Variants in SIK3 observed in about 807,000 individuals in gnomAD.
SIK3 encodes SIK family kinase 3, also known as serine/threonine-protein kinase SIK3.
Under a neutral mutation model 144.2 loss-of-function variants are expected in SIK3, and 28 were observed. The ratio of observed to expected loss-of-function variants is 0.19; its 90% CI spans 0.14 to 0.27. The LOEUF (loss-of-function observed/expected upper bound fraction) is 0.27. Ranked by LOEUF, SIK3 falls within the 10% of genes least tolerant of loss-of-function variation. The probability of loss-of-function intolerance (pLI) is 1.00; values close to 1 mark genes in which losing one functional copy is unlikely to be tolerated. For missense variants in SIK3, 1,319 were observed against 1,776.0 expected (o/e 0.74, Z 4.62); for synonymous variants, 686 against 676.3 (o/e 1.01, Z -0.22).
intron 4 of SIK3, among the ~76,000 whole-genome samples, chr11:116,920,206 C>T (rs1429599829): frequency 6.6e-6 from 1 of 150,714 alleles, no homozygotes; most frequent in Non-Finnish European, 1.5e-5. Flanking sequence ...CTGCTGCCCA[C>T]GCTGCTCCAA....
intron 4 of SIK3, among the ~76,000 whole-genome samples, chr11:116,908,375 A>C (rs561072438): frequency 1.5e-4 from 23 of 152,222 alleles, no homozygotes; most frequent in African/African-American, 5.3e-4. Context: ...GCTACTCGAG[A>C]GGCTGAGGCA....
At chr11:117,011,933 C>A (rs1951278259) in intron 1 of SIK3, among the ~76,000 whole-genome samples, 1 of 152,106 alleles carries the variant, frequency 6.6e-6, no homozygotes, top group South Asian at 2.1e-4. Flanking sequence ...ATAAAGTTTC[C>A]TGCTTGGCGG....
At chr11:117,082,985 C>G (rs1954854243) in intron 1 of SIK3, among the ~76,000 whole-genome samples, 1 of 152,064 alleles carries the variant, frequency 6.6e-6, no homozygotes, top group Non-Finnish European at 1.5e-5. Flanking sequence ...AACAGAAAAC[C>G]TATTCTTATC....
At chr11:117,020,879 G>T (rs952743373) in intron 1 of SIK3, among the ~76,000 whole-genome samples, 4 of 152,186 alleles carry the variant, frequency 2.6e-5, no homozygotes, top group African/African-American at 9.7e-5. Flanking sequence ...AACCCAATAA[G>T]GGGATATTGG....
At chr11:116,927,068 C>T in intron 4 of SIK3, 151 bp downstream of exon 4, 2 of 513,434 alleles carry the variant, frequency 3.9e-6, no homozygotes, top group Non-Finnish European at 3.2e-6. Flanking sequence ...TAAAGTTTAT[C>T]AATTTTCAGG....
intron 4 of SIK3, among the ~76,000 whole-genome samples, chr11:116,900,543 G>A (rs1945677847): frequency 6.6e-6 from 1 of 152,118 alleles, no homozygotes; most frequent in Non-Finnish European, 1.5e-5. Flanking sequence ...TGTCATTTAA[G>A]GCCCTTCACA....
intron 11 of SIK3, among the ~76,000 whole-genome samples, chr11:116,874,446 A>G (rs947816758): frequency 1.4e-4 from 21 of 152,220 alleles, no homozygotes; most frequent in Admixed American, 6.5e-5. Flanking sequence ...AAAGAATGCA[A>G]TTACTCTTGT....
At chr11:116,921,071 T>A (rs1279845250) in intron 4 of SIK3, among the ~76,000 whole-genome samples, 1 of 152,220 alleles carries the variant, frequency 6.6e-6, no homozygotes, top group Non-Finnish European at 1.5e-5. Flanking sequence ...ACTGCTCTTC[T>A]GTGGATCCTT....
rs187497682 is a variant in SIK3, at chr11:116,949,369, T to C, written c.454+4675A>G. ...CTTTCTTCCTCTCATTTACTGACCATACTCAGCCGTTAAACTCCACTAGTT... is the reference window on the plus strand; with the variant it reads ...CTTTCTTCCTCTCATTTACTGACCACACTCAGCCGTTAAACTCCACTAGTT... On this transcript the variant is annotated intron_variant, in intron 3 of 24. Coordinates refer to ENST00000445177, the MANE Select transcript of SIK3 (RefSeq NM_001366686.3). Among the ~76,000 whole-genome samples the C allele has an allele frequency of 5.7e-3, 871 of 152,356 alleles. 6 individuals are homozygous for C. Among genetic ancestry groups the C allele is most frequent in the African/African-American group, 0.019 (800 of 41,594 alleles).
intron 6 of SIK3, among the ~76,000 whole-genome samples, chr11:116,877,357 A>G (rs1944308201): frequency 6.6e-6 from 1 of 152,218 alleles, no homozygotes; most frequent in South Asian, 2.1e-4. Flanking sequence ...CCTATTTAAC[A>G]CAAGTAATGA....
At chr11:117,035,010 G>GA (rs776463992) in intron 1 of SIK3, among the ~76,000 whole-genome samples, 3 of 152,202 alleles carry the variant, frequency 2.0e-5, no homozygotes, top group Non-Finnish European at 4.4e-5. Flanking sequence ...TGATAAAACT[G>GA]AAAGTTTTGA....
At chr11:117,008,373 C>T (rs1245597744) in intron 1 of SIK3, among the ~76,000 whole-genome samples, 1 of 152,126 alleles carries the variant, frequency 6.6e-6, no homozygotes, top group Admixed American at 6.5e-5. Flanking sequence ...GCTCATTAAG[C>T]TAAAATTTGA....
At chr11:116,954,334 A>G (rs1036432539) in intron 2 of SIK3, among the ~76,000 whole-genome samples, 1 of 152,212 alleles carries the variant, frequency 6.6e-6, no homozygotes, top group Non-Finnish European at 1.5e-5. Flanking sequence ...TGCTTGAGAG[A>G]GATAGGCTTT....
At chr11:117,023,867 C>T (rs529484622) in intron 1 of SIK3, among the ~76,000 whole-genome samples, 3 of 151,708 alleles carry the variant, frequency 2.0e-5, no homozygotes, top group African/African-American at 4.8e-5. Context: ...TTAGTAGAGA[C>T]GGGGTCTTGC....
At chr11:116,882,816 A>G (rs982663556) in intron 6 of SIK3, among the ~76,000 whole-genome samples, 2 of 152,258 alleles carry the variant, frequency 1.3e-5, no homozygotes, top group Admixed American at 1.3e-4. Context: ...CAAACTTCTT[A>G]AAAATGTTTA....
chr11:116,849,318 G>A lies in SIK3; in HGVS notation c.3656-35C>T, dbSNP rs145379592. ...CACAGCAGAATAGAGTCAGTGGGGC[G>A]GAACTTCTCCCAGCACTGGAAACTC... is the stretch of plus-strand genomic sequence containing the variant. On this transcript the variant is annotated intron_variant, in intron 21 of 24. Transcript: ENST00000445177. The surrounding 1 kb of genome is among the most constrained non-coding windows in gnomAD (Gnocchi z 4.2). The A allele has an allele frequency of 8.3e-3, 13,328 of 1,612,186 alleles. 80 individuals are homozygous for A. Among genetic ancestry groups the A allele is most frequent in the Middle Eastern group, 0.013 (80 of 6,054 alleles).
intron 1 of SIK3, among the ~76,000 whole-genome samples, chr11:117,040,079 T>A (rs1269065721): frequency 6.6e-6 from 1 of 152,204 alleles, no homozygotes; most frequent in Admixed American, 6.5e-5. Context: ...ATGATAAATG[T>A]CAGCTTTGAA....
At chr11:116,995,619 G>A (rs934251330) in intron 1 of SIK3, among the ~76,000 whole-genome samples, 1 of 152,088 alleles carries the variant, frequency 6.6e-6, no homozygotes, top group Admixed American at 6.5e-5. Context: ...CACTTCAGAT[G>A]TTTTGGAAGT....
intron 1 of SIK3, among the ~76,000 whole-genome samples, chr11:117,070,835 C>A (rs1376145025): frequency 4.0e-5 from 6 of 149,810 alleles, no homozygotes; most frequent in Admixed American, 4.0e-4. Context: ...TCACCACAAC[C>A]TCCGCCTCCC....
Sources: gnomAD v4.1 joint callset for allele counts (sites outside exome capture counted in the v4.1 genomes callset) on GRCh38, gnomAD v4.1.1 for gene constraint, Gnocchi (gnomAD v3.1) non-coding constraint, MANE v1.5 for transcripts, NCBI Gene and HGNC (gene_info 2026-07-23, HGNC 2026-07-21) for gene names.